Variants in ZNF184 observed in about 807,000 individuals in gnomAD.
ZNF184 encodes zinc finger protein 184, also known as zinc finger protein 184 (Kruppel-like).
In ZNF184, 16 loss-of-function variants were observed where a neutral mutation model predicts 54.4. The observed-to-expected ratio is 0.29, with a 90% CI of 0.20 to 0.45. The LOEUF is 0.45. Ranked by LOEUF, ZNF184 falls within the 20% of genes least tolerant of loss-of-function variation. ZNF184 has a pLI of 1.00. For missense variants in ZNF184, 681 were observed against 888.2 expected (o/e 0.77, Z 2.97); for synonymous variants, 254 against 295.3 (o/e 0.86, Z 1.43).
chr6:27,472,594 G>T lies in ZNF184; in HGVS notation c.-140+135C>A. Reference sequence around the variant, plus strand: ...AAAACAGAGTGGAGATCGGGTACGCGGGTTCTGCTTCAGATCCAAAAAACC... The same window carrying T: ...AAAACAGAGTGGAGATCGGGTACGCTGGTTCTGCTTCAGATCCAAAAAACC... On this transcript the variant is annotated intron_variant, in intron 1 of 5. Coordinates refer to ENST00000683788, the MANE Select transcript of ZNF184 (RefSeq NM_001318891.2). The surrounding 1 kb of genome is among the most constrained non-coding windows in gnomAD (Gnocchi z 4.8). 2.6e-6 allele frequency: 1 copy of T among 388,040 alleles called. No homozygotes were observed. 24.0% of individuals were successfully genotyped at this position (388,040 alleles called of 1,614,324 possible).
At chr6:27,412,940 T>C in the ZNF184 span, among the ~76,000 whole-genome samples, 1 of 152,168 alleles carries the variant, frequency 6.6e-6, no homozygotes, top group East Asian at 1.9e-4. Context: ...AATCATAGGA[T>C]AATAAGATTT....
chr6:27,416,054 G>T, the ZNF184 span, among the ~76,000 whole-genome samples: 1 of 152,030 alleles, frequency 6.6e-6, no homozygotes, highest in African/African-American at 2.4e-5. Flanking sequence ...ACATTATCTT[G>T]CCTCTTTACT....
downstream of ZNF184, among the ~76,000 whole-genome samples, chr6:27,447,405 C>T (rs922062350): frequency 3.3e-5 from 5 of 151,978 alleles, no homozygotes; most frequent in Admixed American, 2.0e-4. Context: ...TTTTAAGAGG[C>T]GGGACCTTTA....
At chr6:27,458,380 C>A (rs989825623) in intron 3 of ZNF184, among the ~76,000 whole-genome samples, 7 of 148,008 alleles carry the variant, frequency 4.7e-5, no homozygotes, top group African/African-American at 1.7e-4. Flanking sequence ...AACTATTCAT[C>A]TCACAAGGGA....
chr6:27,411,106 G>A, the ZNF184 span, among the ~76,000 whole-genome samples: 8 of 152,158 alleles, frequency 5.3e-5, no homozygotes, highest in African/African-American at 1.9e-4. Context: ...GCACCAGACC[G>A]GTTGGTATTT....
At chr6:27,435,036 G>A in the ZNF184 span, among the ~76,000 whole-genome samples, 2 of 152,062 alleles carry the variant, frequency 1.3e-5, no homozygotes, top group African/African-American at 4.8e-5. Flanking sequence ...TTTTATGTCA[G>A]TATCACATTC....
At chr6:27,425,760 T>A in the ZNF184 span, among the ~76,000 whole-genome samples, 1 of 152,244 alleles carries the variant, frequency 6.6e-6, no homozygotes, top group African/African-American at 2.4e-5. Flanking sequence ...ATCTTCTTAC[T>A]ACTCAGTGAT....
At chr6:27,431,334 C>A in the ZNF184 span, among the ~76,000 whole-genome samples, 18 of 152,326 alleles carry the variant, frequency 1.2e-4, no homozygotes, top group African/African-American at 3.8e-4. Context: ...TCCCATCCCA[C>A]TGTGAGGTCA....
chr6:27,463,128 G>A, intron 3 of ZNF184, among the ~76,000 whole-genome samples: 1 of 118,774 alleles, frequency 8.4e-6, no homozygotes, highest in African/African-American at 3.2e-5. Context: ...ACTGTTGTGG[G>A]GTGGGGGGAG....
At chr6:27,457,442 A>T in intron 3 of ZNF184, 33 bp from the exon 4 acceptor site, 1 of 1,610,452 alleles carries the variant, frequency 6.2e-7, no homozygotes, top group Non-Finnish European at 8.5e-7. Context: ...GCTTAGCCAT[A>T]AGCATTTACT....
chr6:27,419,505 G>A, the ZNF184 span, among the ~76,000 whole-genome samples: 1 of 151,342 alleles, frequency 6.6e-6, no homozygotes, highest in Non-Finnish European at 1.5e-5. The surrounding 1 kb of genome is among the most constrained non-coding windows in gnomAD (Gnocchi z 4.8). Context: ...TCCCTGCAGG[G>A]TACATATCTA....
chr6:27,458,295 T>TAAAAAAAAAAAAAAAAAAAAAAAAAAAA (rs55966783), intron 3 of ZNF184, among the ~76,000 whole-genome samples: 1 of 62,366 alleles, frequency 1.6e-5, no homozygotes, highest in Non-Finnish European at 2.9e-5. Flanking sequence ...TTCTGCACAG[T>TAAAAAAAAAAAAAAAAAAAAAAAAAAAA]AAAAAAAAAA....
intron 3 of ZNF184, among the ~76,000 whole-genome samples, chr6:27,465,294 C>T (rs1763103626): frequency 6.6e-6 from 1 of 151,150 alleles, no homozygotes; most frequent in Non-Finnish European, 1.5e-5. Flanking sequence ...ACCATCCTGG[C>T]TAACACAGGG....
chr6:27,452,587 A>G lies in ZNF184; in HGVS notation c.972T>C (p.His324=), dbSNP rs373809651. ...GCTTCTCGCCAGTATGAATTCTCTG[A>G]TGCTGAACAAGATGGGTCCTCTGAC... ...AFSQRTHLVQ[H]QRIHTGEKPY... Residue 324 remains histidine, a synonymous_variant, in exon 6 of 6, where the codon CAT becomes CAC. Coordinates refer to ENST00000683788, the MANE Select transcript of ZNF184 (RefSeq NM_001318891.2). The surrounding 1 kb of genome is among the most constrained non-coding windows in gnomAD (Gnocchi z 5.5). The G allele has an allele frequency of 9.3e-6, 15 of 1,613,916 alleles. No homozygotes were observed. Among genetic ancestry groups the G allele is most frequent in the African/African-American group, 1.3e-5 (1 of 74,908 alleles).
the ZNF184 span, among the ~76,000 whole-genome samples, chr6:27,416,255 T>C: frequency 6.6e-6 from 1 of 152,236 alleles, no homozygotes; most frequent in Non-Finnish European, 1.5e-5. Context: ...GATGGCTGCC[T>C]GATAGGACTA....
intron 3 of ZNF184, among the ~76,000 whole-genome samples, chr6:27,465,385 T>C (rs1348515272): frequency 7.0e-6 from 1 of 141,948 alleles, no homozygotes; most frequent in Non-Finnish European, 1.5e-5. Flanking sequence ...CTCGGGAGGC[T>C]GAGGCAGGAG....
chr6:27,418,885 T>C, the ZNF184 span, among the ~76,000 whole-genome samples: 1 of 152,118 alleles, frequency 6.6e-6, no homozygotes, highest in Non-Finnish European at 1.5e-5. Context: ...TTTTAATTCA[T>C]GAGTATTTTT....
the ZNF184 span, among the ~76,000 whole-genome samples, chr6:27,413,768 ATCT>A: frequency 6.6e-6 from 1 of 152,172 alleles, no homozygotes; most frequent in Non-Finnish European, 1.5e-5. Context: ...CTTGACTTAC[ATCT>A]TCTGTTTGGG....
chr6:27,446,069 T>C (rs1178600744), downstream of ZNF184, among the ~76,000 whole-genome samples: 1 of 152,224 alleles, frequency 6.6e-6, no homozygotes, highest in African/African-American at 2.4e-5. Context: ...AGCCTGGCCA[T>C]ATAAATAATA....
Sources: gnomAD v4.1 joint callset for allele counts (sites outside exome capture counted in the v4.1 genomes callset) on GRCh38, gnomAD v4.1.1 for gene constraint, Gnocchi (gnomAD v3.1) non-coding constraint, MANE v1.5 for transcripts, NCBI Gene and HGNC (gene_info 2026-07-23, HGNC 2026-07-21) for gene names.